The following LDB2 variants were observed in gnomAD, a reference collection of about 807,000 sequenced individuals.
LDB2 encodes LIM domain-binding protein 2.
Under a neutral mutation model 44.3 loss-of-function variants are expected in LDB2, and 12 were observed. That is an observed-to-expected ratio of 0.27 (90% CI 0.17 to 0.44). The LOEUF (loss-of-function observed/expected upper bound fraction) is 0.44, where lower values mean the gene tolerates loss of function less well. LDB2 is among the 20% of genes least tolerant of loss of function. LDB2 has a pLI of 1.00. For missense variants in LDB2, 344 were observed against 473.5 expected (o/e 0.73, Z 2.54); for synonymous variants, 164 against 174.8 (o/e 0.94, Z 0.49).
chr4:16,543,277 G>C (rs1734542842), intron 5 of LDB2, among the ~76,000 whole-genome samples: 1 of 152,010 alleles, frequency 6.6e-6, no homozygotes, highest in African/African-American at 2.4e-5. Context: ...TAATCCTTTG[G>C]GTATATACCC....
At chr4:16,859,981 A>C (rs1711965359) in intron 1 of LDB2, among the ~76,000 whole-genome samples, 1 of 152,136 alleles carries the variant, frequency 6.6e-6, no homozygotes, top group South Asian at 2.1e-4. Context: ...AGATGAGAAA[A>C]CCTCTCAGAA....
In LDB2 at chr4:16,595,893, A is replaced by T. The variant is rs1720747857; in HGVS notation, c.236-18T>A. On this transcript the variant is annotated intron_variant, in intron 2 of 7. Transcript: ENST00000304523. Reference sequence around the variant, plus strand: ...GCCGATAGCTGGGAGAGAAACACAGAGAAACAAACCATTAACAAAAATATC... The same window carrying T: ...GCCGATAGCTGGGAGAGAAACACAGTGAAACAAACCATTAACAAAAATATC... 6.2e-7 allele frequency: 1 copy of T among 1,611,452 alleles called. No individual in the cohort carries two copies. Among genetic ancestry groups the T allele is most frequent in the Non-Finnish European group, 8.5e-7 (1 of 1,178,384 alleles).
intron 2 of LDB2, among the ~76,000 whole-genome samples, chr4:16,753,719 T>TTGGA (rs2109132917): frequency 6.6e-6 from 1 of 152,314 alleles, no homozygotes; most frequent in African/African-American, 2.4e-5. Context: ...GAAATCCTCG[T>TTGGA]TCCAGACAGG....
intron 2 of LDB2, among the ~76,000 whole-genome samples, chr4:16,649,771 T>A (rs1437002332): frequency 6.6e-6 from 1 of 152,234 alleles, no homozygotes; most frequent in Non-Finnish European, 1.5e-5. Context: ...ATGATCCTTA[T>A]TGACAGAACT....
intron 1 of LDB2, among the ~76,000 whole-genome samples, chr4:16,779,326 C>A (rs963311567): frequency 6.6e-6 from 1 of 152,188 alleles, no homozygotes; most frequent in Non-Finnish European, 1.5e-5. Context: ...TTTTTTGAAG[C>A]AAAATGTCAT....
chr4:16,784,661 G>A (rs1005799693), intron 1 of LDB2, among the ~76,000 whole-genome samples: 2 of 152,124 alleles, frequency 1.3e-5, no homozygotes, highest in Non-Finnish European at 2.9e-5. Context: ...AGTCTAGAGT[G>A]GAATCCTTTA....
At chr4:16,625,166 C>T (rs1263921613) in intron 2 of LDB2, among the ~76,000 whole-genome samples, 3 of 152,218 alleles carry the variant, frequency 2.0e-5, no homozygotes, top group African/African-American at 4.8e-5. Context: ...TCTCTAAGTC[C>T]CTGCAGCCCA....
At chr4:16,890,341 T>C (rs1723000107) in intron 1 of LDB2, among the ~76,000 whole-genome samples, 1 of 152,048 alleles carries the variant, frequency 6.6e-6, no homozygotes, top group African/African-American at 2.4e-5. Flanking sequence ...GATCAGATTA[T>C]AAGATGGAAA....
rs559774420 is a variant in LDB2, at chr4:16,654,949, T to A, written c.236-59074A>T. ...TGAATACATGAAAGCTCTTCCCTAA[T>A]GTCCACGAAACCATTGAGAATACAA... On this transcript the variant is annotated intron_variant, in intron 2 of 7. Coordinates refer to ENST00000304523, the MANE Select transcript of LDB2 (RefSeq NM_001290.5). Among the ~76,000 whole-genome samples, 11 of 152,234 alleles carry A rather than the reference T, an allele frequency of 7.2e-5. No homozygotes were observed. In the South Asian group the frequency reaches 2.3e-3, roughly 32 times the overall value.
intron 1 of LDB2, among the ~76,000 whole-genome samples, chr4:16,843,867 C>T (rs1257669436): frequency 2.0e-5 from 3 of 152,130 alleles, no homozygotes; most frequent in Non-Finnish European, 2.9e-5. Context: ...ATCCACCTGC[C>T]TCAGCCTCCC....
At chr4:16,672,200 A>G (rs1308422661) in intron 2 of LDB2, among the ~76,000 whole-genome samples, 1 of 152,184 alleles carries the variant, frequency 6.6e-6, no homozygotes, top group East Asian at 1.9e-4. Flanking sequence ...AGTCTCAGAG[A>G]TACTAACCAA....
intron 2 of LDB2, among the ~76,000 whole-genome samples, chr4:16,598,941 G>A (rs1721825452): frequency 6.6e-6 from 1 of 150,386 alleles, no homozygotes; most frequent in African/African-American, 2.5e-5. Context: ...TTTGCAAATA[G>A]AGAAATCCTG....
At position 16,502,529 on chromosome 4, in the gene LDB2, G is replaced by T; in HGVS notation, c.*114C>A. On this transcript the variant is annotated 3_prime_UTR_variant, in exon 8 of 8. Coordinates refer to ENST00000304523, the MANE Select transcript of LDB2 (RefSeq NM_001290.5). Reference sequence around the variant, plus strand: ...ATCAGATCATTGTGGTTTAGAAATAGATATTTGCATGGAAAAGTTTTTATC... The same window carrying T: ...ATCAGATCATTGTGGTTTAGAAATATATATTTGCATGGAAAAGTTTTTATC... 7.6e-7 allele frequency: 1 copy of T among 1,318,578 alleles called. No homozygotes were observed. Among genetic ancestry groups the T allele is most frequent in the Non-Finnish European group, 1.1e-6 (1 of 942,046 alleles). The allele number at this position is 1,318,578 out of a possible 1,614,324, so 81.7% of individuals were successfully genotyped here. A position where few individuals can be genotyped will look rare whatever the true frequency, so the allele number is the denominator to read the frequency against.
intron 1 of LDB2, among the ~76,000 whole-genome samples, chr4:16,863,066 A>G (rs1713278469): frequency 6.6e-6 from 1 of 152,198 alleles, no homozygotes; most frequent in Non-Finnish European, 1.5e-5. Flanking sequence ...GGTCAGAGGA[A>G]AAAAACAACC....
intron 2 of LDB2, among the ~76,000 whole-genome samples, chr4:16,704,677 C>G (rs771387413): frequency 2.0e-5 from 3 of 152,102 alleles, no homozygotes; most frequent in African/African-American, 7.2e-5. Flanking sequence ...AGGCCTATGA[C>G]GTAGTCACAT....
In LDB2 at chr4:16,541,291, G is replaced by A. The variant is rs545206866; in HGVS notation, c.616-29187C>T. Among the ~76,000 whole-genome samples the A allele has an allele frequency of 3.4e-5, 5 of 148,850 alleles. No individual in the cohort carries two copies. In the South Asian group the frequency reaches 1.0e-3, roughly 31 times the overall value. ...TGAGTTTTTATGAGATCTGGTTGTT[G>A]TAAAGTGTAAAGTGTGGCACCCTCC... On this transcript the variant is annotated intron_variant, in intron 5 of 7. Coordinates refer to ENST00000304523, the MANE Select transcript of LDB2 (RefSeq NM_001290.5).
intron 2 of LDB2, among the ~76,000 whole-genome samples, chr4:16,730,677 G>C (rs1760550889): frequency 6.6e-6 from 1 of 152,098 alleles, no homozygotes; most frequent in Admixed American, 6.5e-5. Flanking sequence ...GGAAAGCATG[G>C]GACGGAATCA....
chr4:16,635,675 G>GAA (rs34681655), intron 2 of LDB2, among the ~76,000 whole-genome samples: 8 of 150,876 alleles, frequency 5.3e-5, no homozygotes, highest in Non-Finnish European at 1.2e-4. Flanking sequence ...AGAAGGAAAA[G>GAA]AAAAAAAAAT....
intron 2 of LDB2, among the ~76,000 whole-genome samples, chr4:16,734,703 C>CTTTTT (rs539507998): frequency 4.6e-5 from 6 of 129,378 alleles, no homozygotes; most frequent in Non-Finnish European, 6.5e-5. Context: ...TTCTTGTTTT[C>CTTTTT]TTTTTTTTTT....
Sources: allele counts gnomAD v4.1 joint callset (sites outside exome capture counted in the v4.1 genomes callset), GRCh38; gene constraint gnomAD v4.1.1; transcripts MANE v1.5; gene names NCBI Gene and HGNC (gene_info 2026-07-23, HGNC 2026-07-21).